The following SLC8A3 variants were observed in gnomAD, a reference collection of about 807,000 sequenced individuals.
SLC8A3 encodes the protein sodium/calcium exchanger 3.
SLC8A3 carries 37 observed loss-of-function variants against 65.4 expected under a neutral mutation model. The observed-to-expected ratio is 0.57, with a 90% CI of 0.44 to 0.74. The LOEUF (loss-of-function observed/expected upper bound fraction) is 0.74. Ranked by LOEUF, SLC8A3 falls within the 30% of genes least tolerant of loss-of-function variation. SLC8A3 has a pLI of 0.00. For missense variants in SLC8A3, 1,112 were observed against 1,172.1 expected, an observed-to-expected ratio of 0.95 and a Z score of 0.75; for synonymous variants, 461 against 444.5, an observed-to-expected ratio of 1.04 and a Z score of -0.47.
intron 2 of SLC8A3, among the ~76,000 whole-genome samples, chr14:70,127,606 T>C (rs548891645): frequency 1.2e-4 from 18 of 152,342 alleles, no homozygotes; most frequent in Non-Finnish European, 1.9e-4. Flanking sequence ...CTTTGCTTAG[T>C]CCTGCCTCGG....
upstream of SLC8A3, among the ~76,000 whole-genome samples, chr14:70,189,372 GTCC>G (rs1883624032): frequency 6.6e-6 from 1 of 152,178 alleles, no homozygotes; most frequent in African/African-American, 2.4e-5. Flanking sequence ...CTTTCCCCTT[GTCC>G]TCAGGAGACG....
In SLC8A3 at chr14:70,046,395, C is replaced by T; in HGVS notation, c.2390-72G>A. The stretch of plus-strand genomic sequence containing the variant: ...TGCAGGGCTTGTCTTCCAGTATGCC[C>T]AAAAAGCAGCTTGAGCTGGTGGGCT... On this transcript the variant is annotated intron_variant, in intron 6 of 6. Coordinates refer to ENST00000356921, the MANE Select transcript of SLC8A3 (RefSeq NM_182932.3). This position sits in a 1 kb window ranked among gnomAD's most constrained non-coding sequence, Gnocchi z 4.2. 6.8e-7 allele frequency: 1 copy of T among 1,468,336 alleles called. No individual in the cohort carries two copies. The highest frequency in any genetic ancestry group is 9.2e-7 in the Non-Finnish European group (1 of 1,091,800). 91.0% of individuals were successfully genotyped at this position (1,468,336 alleles called of 1,614,324 possible). A position where few individuals can be genotyped will look rare whatever the true frequency, so the allele number is the denominator to read the frequency against.
rs1328356911 is a variant in SLC8A3 at position 70,151,291 on chromosome 14, C to G, written c.1784+15348G>C. ...AAAAAAAAAAAGAACTATCAAGGAA[C>G]CAGGGCTATGGAGATTGGAAGATAG... is the stretch of plus-strand genomic sequence containing the variant. On this transcript the variant is annotated intron_variant, in intron 2 of 6. Coordinates refer to ENST00000356921, the MANE Select transcript of SLC8A3 (RefSeq NM_182932.3). 3.3e-5 allele frequency among the ~76,000 whole-genome samples: 5 copies of G among 151,490 alleles called. No homozygotes were observed. The East Asian group carries it at 9.7e-4, about 29-fold the overall frequency.
At chr14:70,051,912 T>C in intron 4 of SLC8A3, 78 bp downstream of exon 4, 1 of 1,257,598 alleles carries the variant, frequency 8.0e-7, no homozygotes, top group Admixed American at 2.0e-5. Context: ...CTAGTGAAAG[T>C]GGAAAAAAAC....
chr14:70,148,687 G>T (rs1002170181), intron 2 of SLC8A3, among the ~76,000 whole-genome samples: 1 of 152,092 alleles, frequency 6.6e-6, no homozygotes. Context: ...TAAAATTGCC[G>T]ATATTATTAT....
intron 2 of SLC8A3, among the ~76,000 whole-genome samples, chr14:70,099,631 A>T (rs1892431692): frequency 6.6e-6 from 1 of 152,228 alleles, no homozygotes; most frequent in African/African-American, 2.4e-5. Context: ...AGGATGGAAA[A>T]GTAAGCTTGA....
At chr14:70,180,547 T>C (rs1421084655) in intron 1 of SLC8A3, among the ~76,000 whole-genome samples, 1 of 152,208 alleles carries the variant, frequency 6.6e-6, no homozygotes, top group African/African-American at 2.4e-5. Flanking sequence ...TTTCAGGGGC[T>C]AAAAGGCATT....
intron 2 of SLC8A3, among the ~76,000 whole-genome samples, chr14:70,139,269 C>T (rs1422029985): frequency 6.6e-6 from 1 of 152,136 alleles, no homozygotes; most frequent in East Asian, 1.9e-4. Flanking sequence ...GAGAGAAGTG[C>T]CCCCTCTTAC....
At chr14:70,112,166 A>G (rs970079285) in intron 2 of SLC8A3, among the ~76,000 whole-genome samples, 2 of 152,236 alleles carry the variant, frequency 1.3e-5, no homozygotes, top group African/African-American at 4.8e-5. Context: ...TCTCGCCATT[A>G]GGCGAGAAGA....
rs771395302 is a variant in SLC8A3, at chr14:70,168,090, C to T, written c.333G>A (p.Glu111=). 4 of 1,614,118 alleles carry T rather than the reference C, an allele frequency of 2.5e-6. No individual in the cohort carries two copies. In the South Asian group the frequency reaches 4.4e-5, roughly 18 times the overall value. The part of the protein sequence containing the change: ...SIEVITSQER[E]VTIKKPNGET... ...CTCCATTGGGTTTCTTAATTGTCAC[C>T]TCCCTCTCTTGAGAGGTGATGACTT... Residue 111 remains glutamate, a synonymous_variant, in exon 2 of 7, where the codon GAG becomes GAA. Coordinates refer to ENST00000356921, the MANE Select transcript of SLC8A3 (RefSeq NM_182932.3).
At chr14:70,126,568 TCTCACACACACA>T (rs940994768) in intron 2 of SLC8A3, among the ~76,000 whole-genome samples, 2 of 122,360 alleles carry the variant, frequency 1.6e-5, no homozygotes, top group East Asian at 2.1e-4. Context: ...TCTCTCTCTC[TCTCACACACACA>T]CACACACACA....
chr14:70,182,688 G>A (rs1472551271), intron 1 of SLC8A3, among the ~76,000 whole-genome samples: 1 of 152,154 alleles, frequency 6.6e-6, no homozygotes, highest in African/African-American at 2.4e-5. Flanking sequence ...GATGAGTGAT[G>A]AGAAAATAGG....
At chr14:70,164,963 CAAAATGACT>C (rs1172248213) in intron 2 of SLC8A3, among the ~76,000 whole-genome samples, 1 of 152,186 alleles carries the variant, frequency 6.6e-6, no homozygotes, top group Non-Finnish European at 1.5e-5. Context: ...TCCTTCCCAG[CAAAATGACT>C]AAACAGAGCT....
At chr14:70,142,200 C>A (rs1461109546) in intron 2 of SLC8A3, among the ~76,000 whole-genome samples, 1 of 152,212 alleles carries the variant, frequency 6.6e-6, no homozygotes, top group African/African-American at 2.4e-5. Flanking sequence ...CATGTTACTG[C>A]AAAAGACAGG....
chr14:70,080,004 G>T (rs1292740435), intron 2 of SLC8A3: 1 of 751,768 alleles, frequency 1.3e-6, no homozygotes, highest in Non-Finnish European at 1.6e-6. Context: ...ACCTGGAGAT[G>T]ATAACATTCA....
At chr14:70,151,261 G>GAA (rs57192683) in intron 2 of SLC8A3, among the ~76,000 whole-genome samples, 11 of 125,352 alleles carry the variant, frequency 8.8e-5, no homozygotes, top group Non-Finnish European at 1.6e-4. Context: ...CTCAAAAAAA[G>GAA]AAAAAAAAAA....
At chr14:70,119,201 C>G (rs1047995747) in intron 2 of SLC8A3, among the ~76,000 whole-genome samples, 8 of 152,138 alleles carry the variant, frequency 5.3e-5, no homozygotes, top group African/African-American at 1.9e-4. Context: ...TCCCCCCACC[C>G]TGGTGGCAAA....
intron 2 of SLC8A3, among the ~76,000 whole-genome samples, chr14:70,135,890 T>C (rs1352628888): frequency 6.6e-6 from 1 of 152,120 alleles, no homozygotes; most frequent in Non-Finnish European, 1.5e-5. Context: ...TCAAAATAGC[T>C]AGAAGAATTA....
rs186120651 is a variant in SLC8A3 at position 70,045,597 on chromosome 14, T to C, written c.*350A>G. The C allele has an allele frequency of 5.2e-5, 10 of 192,308 alleles. No homozygotes were observed. In the Admixed American group the frequency reaches 5.5e-4, roughly 11 times the overall value. The allele number at this position is 192,308 out of a possible 1,614,324, so 11.9% of individuals were successfully genotyped here. A position where few individuals can be genotyped will look rare whatever the true frequency, so the allele number is the denominator to read the frequency against. On this transcript the variant is annotated 3_prime_UTR_variant, in exon 7 of 7. Coordinates refer to ENST00000356921, the MANE Select transcript of SLC8A3 (RefSeq NM_182932.3). ...AGGAGAAACCCTGCTTCCAAAGAAA[T>C]GAGAGGCAAAGGAATAATCAAAAGA...
Sources: allele counts gnomAD v4.1 joint callset (sites outside exome capture counted in the v4.1 genomes callset), GRCh38; gene constraint gnomAD v4.1.1; non-coding constraint Gnocchi (gnomAD v3.1); transcripts MANE v1.5; gene names NCBI Gene and HGNC (gene_info 2026-07-23, HGNC 2026-07-21).